SUSD6: variants seen among roughly 807,000 people sequenced by gnomAD.
The protein encoded by SUSD6 is sushi domain containing 6, also known as sushi domain-containing protein 6.
Under a neutral mutation model 28.4 loss-of-function variants are expected in SUSD6, and 16 were observed. That is an observed-to-expected ratio of 0.56 (90% CI 0.38 to 0.86). SUSD6 has a LOEUF of 0.86. SUSD6 is among the 40% of genes least tolerant of loss of function. The pLI is 0.00. For missense variants in SUSD6, 341 were observed against 384.2 expected, an observed-to-expected ratio of 0.89 and a Z score of 0.94; for synonymous variants, 147 against 159.6, an observed-to-expected ratio of 0.92 and a Z score of 0.59.
intron 2 of SUSD6, among the ~76,000 whole-genome samples, chr14:69,698,402 T>C (rs1886257723): frequency 6.6e-6 from 1 of 152,200 alleles, no homozygotes; most frequent in Admixed American, 6.5e-5. Context: ...CTAATCCCTT[T>C]GAGGCTGCAT....
chr14:69,703,347 T>G, intron 2 of SUSD6, 48 bp from the exon 3 acceptor site: 1 of 1,466,990 alleles, frequency 6.8e-7, no homozygotes, highest in Non-Finnish European at 9.5e-7. Flanking sequence ...AGCAGACTCC[T>G]ACTGGATACC....
intron 1 of SUSD6, among the ~76,000 whole-genome samples, chr14:69,626,053 G>A (rs1035782285): frequency 6.6e-5 from 10 of 152,140 alleles, no homozygotes; most frequent in African/African-American, 2.2e-4. Context: ...GCCAGTCTTG[G>A]TGGGAAATAG....
intron 1 of SUSD6, among the ~76,000 whole-genome samples, chr14:69,641,359 C>T (rs536328763): frequency 6.6e-6 from 1 of 151,006 alleles, no homozygotes; most frequent in African/African-American, 2.5e-5. Context: ...TGCCTTGCTA[C>T]CTCTCCCCAA....
intron 1 of SUSD6, among the ~76,000 whole-genome samples, chr14:69,623,302 A>G (rs763365675): frequency 4.6e-5 from 7 of 152,210 alleles, no homozygotes; most frequent in Admixed American, 1.3e-4. Context: ...TGGTGGTTCC[A>G]TAAGATTATA....
intron 5 of SUSD6, among the ~76,000 whole-genome samples, chr14:69,709,521 G>A (rs1886433618): frequency 6.6e-6 from 1 of 152,182 alleles, no homozygotes; most frequent in Non-Finnish European, 1.5e-5. Flanking sequence ...TTTCTAAACA[G>A]GAGTGTTCCG....
intron 1 of SUSD6, among the ~76,000 whole-genome samples, chr14:69,621,457 G>GA (rs1885040083): frequency 6.6e-6 from 1 of 152,194 alleles, no homozygotes; most frequent in Non-Finnish European, 1.5e-5. Context: ...GTGAAGGAGA[G>GA]AGAGGGTATT....
At chr14:69,652,644 G>A (rs1357959797) in intron 1 of SUSD6, among the ~76,000 whole-genome samples, 2 of 152,124 alleles carry the variant, frequency 1.3e-5, no homozygotes, top group African/African-American at 2.4e-5. Flanking sequence ...TCTCAGCAGG[G>A]GTGGGCCCCA....
At chr14:69,665,163 T>C (rs1333616236) in intron 2 of SUSD6, among the ~76,000 whole-genome samples, 1 of 152,232 alleles carries the variant, frequency 6.6e-6, no homozygotes, top group African/African-American at 2.4e-5. Context: ...CTGACTTCTT[T>C]CCAGCCCTGT....
intron 2 of SUSD6, among the ~76,000 whole-genome samples, chr14:69,697,404 C>T (rs1886242075): frequency 6.6e-6 from 1 of 152,204 alleles, no homozygotes; most frequent in African/African-American, 2.4e-5. Flanking sequence ...TTACTCAGCC[C>T]CTATTCAAGA....
intron 2 of SUSD6, among the ~76,000 whole-genome samples, chr14:69,679,632 T>A (rs1236607228): frequency 6.6e-6 from 1 of 152,058 alleles, no homozygotes; most frequent in African/African-American, 2.4e-5. Flanking sequence ...GTATTTTATG[T>A]GTGGCCCAAA....
chr14:69,642,847 C>T (rs1458504559), intron 1 of SUSD6, among the ~76,000 whole-genome samples: 2 of 152,166 alleles, frequency 1.3e-5, no homozygotes, highest in African/African-American at 4.8e-5. Context: ...CAGAGGCATG[C>T]ACAGATCAGT....
chr14:69,659,210 T>C (rs1299265150), intron 2 of SUSD6, among the ~76,000 whole-genome samples: 1 of 152,200 alleles, frequency 6.6e-6, no homozygotes. Flanking sequence ...TAGCTGTCTT[T>C]TGTTTGTTCG....
chr14:69,631,771 GA>G (rs1169989011), intron 1 of SUSD6, among the ~76,000 whole-genome samples: 1 of 152,174 alleles, frequency 6.6e-6, no homozygotes, highest in African/African-American at 2.4e-5. Context: ...GCTTGCAAAA[GA>G]ATGTTTGCCA....
At chr14:69,665,491 G>A (rs912851687) in intron 2 of SUSD6, among the ~76,000 whole-genome samples, 4 of 152,168 alleles carry the variant, frequency 2.6e-5, no homozygotes, top group Non-Finnish European at 4.4e-5. Context: ...GGGCTCAAAC[G>A]ATCCACCCGC....
chr14:69,682,429 C>T (rs1886009812), intron 2 of SUSD6, among the ~76,000 whole-genome samples: 1 of 152,104 alleles, frequency 6.6e-6, no homozygotes, highest in African/African-American at 2.4e-5. Context: ...TCTCATTCTG[C>T]CCTACTTTGC....
chr14:69,685,329 A>G lies in SUSD6; in HGVS notation c.122-18066A>G, dbSNP rs142669545. Among the ~76,000 whole-genome samples, 336 of 152,348 alleles carry G rather than the reference A, an allele frequency of 2.2e-3. 1 individual carries two copies. The highest frequency in any genetic ancestry group is 0.01 in the Middle Eastern group (3 of 294). On this transcript the variant is annotated intron_variant, in intron 2 of 5. Transcript: ENST00000342745. ...TTTGCTCCCCGTTGAGGAAGGAACCATTGTGCTACTAATATTATTCCACTG... is the reference window on the plus strand; with the variant it reads ...TTTGCTCCCCGTTGAGGAAGGAACCGTTGTGCTACTAATATTATTCCACTG...
rs1215216798 is a variant in SUSD6 at position 69,703,418 on chromosome 14, G to T, written c.145G>T (p.Glu49Ter). Residue 49 changes from glutamate to a stop codon, truncating the protein, a stop_gained, in exon 3 of 6, where the codon GAG (glutamate) becomes TAG (stop). Transcript: ENST00000342745. LOFTEE classifies it high-confidence loss of function. ...AGTGTGCCCCCTACCACCGGAGCCAGAGAATGGTGGCTACATCTGCCACCC... is the reference window on the plus strand; with the variant it reads ...AGTGTGCCCCCTACCACCGGAGCCATAGAATGGTGGCTACATCTGCCACCC... ...ASVCPLPPEPENGGYICHPRP... is the reference protein window; with the variant it reads ...ASVCPLPPEP The T allele has an allele frequency of 6.2e-7, 1 of 1,614,034 alleles. No individual in the cohort carries two copies. The highest frequency in any genetic ancestry group is 8.5e-7 in the Non-Finnish European group (1 of 1,179,990).
At chr14:69,638,423 AGTGTGT>A (rs10637124) in intron 1 of SUSD6, among the ~76,000 whole-genome samples, 1,894 of 139,230 alleles carry the variant, frequency 0.014, 24 homozygotes, top group African/African-American at 0.039. Flanking sequence ...TGGGGTGGGG[AGTGTGT>A]GTGTGTGTGT....
chr14:69,686,685 A>C (rs1403800272), intron 2 of SUSD6, among the ~76,000 whole-genome samples: 1 of 152,208 alleles, frequency 6.6e-6, no homozygotes, highest in East Asian at 1.9e-4. Flanking sequence ...TTATGCAGAG[A>C]AATTCTCGTT....
Sources: allele counts gnomAD v4.1 joint callset (sites outside exome capture counted in the v4.1 genomes callset), GRCh38; gene constraint gnomAD v4.1.1; transcripts MANE v1.5; gene names NCBI Gene and HGNC (gene_info 2026-07-23, HGNC 2026-07-21).